PTGFRN: variants seen among roughly 807,000 people sequenced by gnomAD.
The protein encoded by PTGFRN is prostaglandin F2 receptor negative regulator.
Under a neutral mutation model 83.2 loss-of-function variants are expected in PTGFRN, and 35 were observed. The observed-to-expected ratio is 0.42, with a 90% CI of 0.32 to 0.56. PTGFRN has a LOEUF of 0.56. Among genes scored for constraint, PTGFRN ranks in the 20% least tolerant of loss-of-function variants. The pLI is 0.11. For synonymous variants in PTGFRN, 519 were observed against 498.6 expected, an observed-to-expected ratio of 1.04 and a Z score of -0.55; for missense variants, 1,051 against 1,179.5, an observed-to-expected ratio of 0.89 and a Z score of 1.60.
At chr1:116,986,062 A>G (rs927611014) in intron 8 of PTGFRN, among the ~76,000 whole-genome samples, 5 of 152,208 alleles carry the variant, frequency 3.3e-5, no homozygotes, top group African/African-American at 4.8e-5. Context: ...TCCACAGACT[A>G]CTTAGCCTTT....
chr1:116,947,447 C>G (rs908315483), intron 3 of PTGFRN, among the ~76,000 whole-genome samples: 3 of 152,220 alleles, frequency 2.0e-5, no homozygotes, highest in Non-Finnish European at 4.4e-5. Flanking sequence ...CATCCTGTCT[C>G]TCAGCAGTAA....
At chr1:116,929,094 T>C (rs1649726358) in intron 1 of PTGFRN, among the ~76,000 whole-genome samples, 1 of 152,242 alleles carries the variant, frequency 6.6e-6, no homozygotes, top group Non-Finnish European at 1.5e-5. Context: ...ACAGATTTGC[T>C]TCCCTCTAAT....
At chr1:116,944,584 G>A in intron 2 of PTGFRN, 95 bp from the exon 3 acceptor site, 1 of 1,223,850 alleles carries the variant, frequency 8.2e-7, no homozygotes, top group Non-Finnish European at 1.0e-6. Flanking sequence ...ATGGGAAAGG[G>A]AGGAGGAAAT....
chr1:116,968,017 T>C (rs1650888422), intron 6 of PTGFRN, among the ~76,000 whole-genome samples: 1 of 152,206 alleles, frequency 6.6e-6, no homozygotes, highest in Admixed American at 6.5e-5. Context: ...GAGGAGGGAA[T>C]TGAGCCTCCC....
At chr1:116,978,139 C>T (rs948767764) in intron 7 of PTGFRN, among the ~76,000 whole-genome samples, 1 of 152,156 alleles carries the variant, frequency 6.6e-6, no homozygotes, top group African/African-American at 2.4e-5. Context: ...TGGATGAATT[C>T]CTGGACACAT....
At chr1:116,914,541 A>G (rs1649351490) in intron 1 of PTGFRN, among the ~76,000 whole-genome samples, 1 of 152,178 alleles carries the variant, frequency 6.6e-6, no homozygotes, top group Admixed American at 6.5e-5. Context: ...GCTTGAGATC[A>G]GGAGATCGAG....
Position 116,941,775 on chromosome 1 carries a change from C to G in PTGFRN, c.110C>G (p.Thr37Ser). The change falls in exon 2 of 9, where the codon ACT becomes AGT. Residue 37 changes from threonine to serine, a missense_variant. By Grantham distance (58) the Thr-to-Ser change is moderately conservative (BLOSUM62 1). Transcript: ENST00000393203. The surrounding 1 kb of genome is among the most constrained non-coding windows in gnomAD (Gnocchi z 5.0). Reference sequence around the variant, plus strand: ...GCGACCCTGGTTCGAGTGGTGGGCACTGAGCTGGTCATCCCCTGCAACGTC... The same window carrying G: ...GCGACCCTGGTTCGAGTGGTGGGCAGTGAGCTGGTCATCCCCTGCAACGTC... ...PTATLVRVVG[T>S]ELVIPCNVSD... 6.2e-7 allele frequency: 1 copy of G among 1,614,168 alleles called. No homozygotes were observed. The highest frequency in any genetic ancestry group is 8.5e-7 in the Non-Finnish European group (1 of 1,180,036).
rs1650565554 is a variant in PTGFRN, at chr1:116,958,668, T to C, written c.1214-2575T>C. On this transcript the variant is annotated intron_variant, in intron 4 of 8. Transcript: ENST00000393203. This position sits in a 1 kb window ranked among gnomAD's most constrained non-coding sequence, Gnocchi z 4.9. ...ACTCTTAACCCTCACAATAACATTA[T>C]GAGCTAGTTACTGTCATCCCCATTT... Among the ~76,000 whole-genome samples, 1 of 152,226 alleles carries C rather than the reference T, an allele frequency of 6.6e-6. No homozygotes were observed.
chr1:116,930,682 C>T (rs949016282), intron 1 of PTGFRN, among the ~76,000 whole-genome samples: 1 of 152,086 alleles, frequency 6.6e-6, no homozygotes, highest in Admixed American at 6.6e-5. Flanking sequence ...CCTGTCATTG[C>T]CCTTGTTTTC....
intron 2 of PTGFRN, among the ~76,000 whole-genome samples, chr1:116,944,351 C>T (rs1407324447): frequency 1.3e-5 from 2 of 152,232 alleles, no homozygotes; most frequent in Admixed American, 6.5e-5. Context: ...GTCCAGTTGT[C>T]ATCCTCCTTT....
intron 7 of PTGFRN, among the ~76,000 whole-genome samples, chr1:116,983,232 C>G (rs1418171284): frequency 6.6e-6 from 1 of 152,160 alleles, no homozygotes; most frequent in Non-Finnish European, 1.5e-5. Flanking sequence ...GGGATGCTAG[C>G]CCAGGCAGCC....
intron 1 of PTGFRN, among the ~76,000 whole-genome samples, chr1:116,935,834 T>C (rs890636205): frequency 1.3e-5 from 2 of 152,146 alleles, no homozygotes; most frequent in African/African-American, 4.8e-5. Flanking sequence ...TTTAATGGAA[T>C]TTTATTATGT....
chr1:116,938,745 C>A (rs1249046597), intron 1 of PTGFRN, among the ~76,000 whole-genome samples: 1 of 152,176 alleles, frequency 6.6e-6, no homozygotes, highest in Non-Finnish European at 1.5e-5. Flanking sequence ...ACTTACAAGT[C>A]CACAGTTCAA....
intron 7 of PTGFRN, among the ~76,000 whole-genome samples, chr1:116,982,437 C>A (rs968483995): frequency 2.6e-5 from 4 of 152,104 alleles, no homozygotes; most frequent in African/African-American, 9.7e-5. Flanking sequence ...TGAGGGAATG[C>A]TCTTTTGTGA....
rs1195631285 is a variant in PTGFRN, at chr1:116,944,921, C to G, written c.661C>G (p.Arg221Gly). Residue 221 changes from arginine to glycine, a missense_variant, in exon 3 of 9, where the codon CGC becomes GGC. Coordinates refer to ENST00000393203, the MANE Select transcript of PTGFRN (RefSeq NM_020440.4). ...YEQRYHSGDV[R>G]LDTVGSDAYR... ...GCAGCGCTACCACAGTGGGGACGTG[C>G]GCCTCGACACCGTGGGCAGCGACGC... 1 of 1,612,688 alleles carries G rather than the reference C, an allele frequency of 6.2e-7. No individual in the cohort carries two copies. The highest frequency in any genetic ancestry group is 2.2e-5 in the East Asian group (1 of 44,868).
At chr1:116,972,943 TATTTTA>T (rs1437687354) in intron 6 of PTGFRN, among the ~76,000 whole-genome samples, 72 of 152,194 alleles carry the variant, frequency 4.7e-4, no homozygotes, top group African/African-American at 1.7e-3. Flanking sequence ...AACCAGACTT[TATTTTA>T]ATTTTATTTA....
intron 1 of PTGFRN, among the ~76,000 whole-genome samples, chr1:116,928,103 C>T (rs1649700685): frequency 6.6e-6 from 1 of 152,196 alleles, no homozygotes; most frequent in East Asian, 1.9e-4. Flanking sequence ...ACTGCCCCTT[C>T]CTCGTGTTTC....
chr1:116,962,236 T>A (rs1650684990), intron 5 of PTGFRN: 1 of 152,954 alleles, frequency 6.5e-6, no homozygotes, highest in South Asian at 2.1e-4. Context: ...CGTTCATTCT[T>A]TGAAGATGTT....
At position 116,914,555 on chromosome 1, in the gene PTGFRN, G is replaced by A. The variant is rs193056816; in HGVS notation, c.49+4303G>A. Among the ~76,000 whole-genome samples the A allele has an allele frequency of 8.3e-4, 127 of 152,144 alleles. 1 individual carries two copies. Among genetic ancestry groups the A allele is most frequent in the East Asian group, 6.4e-3 (33 of 5,182 alleles). On this transcript the variant is annotated intron_variant, in intron 1 of 8. Coordinates refer to ENST00000393203, the MANE Select transcript of PTGFRN (RefSeq NM_020440.4). Reference sequence around the variant, plus strand: ...TGCTTGAGATCAGGAGATCGAGACCGGCCTGTGCAACATAGTGAGACCCCC... The same window carrying A: ...TGCTTGAGATCAGGAGATCGAGACCAGCCTGTGCAACATAGTGAGACCCCC...
Sources: gnomAD v4.1 joint callset for allele counts (sites outside exome capture counted in the v4.1 genomes callset) on GRCh38, gnomAD v4.1.1 for gene constraint, Gnocchi (gnomAD v3.1) non-coding constraint, MANE v1.5 for transcripts, NCBI Gene and HGNC (gene_info 2026-07-23, HGNC 2026-07-21) for gene names.